The following SNX10 variants were observed in gnomAD, a reference collection of about 807,000 sequenced individuals.
SNX10 encodes the protein sorting nexin-10.
In SNX10, 25 loss-of-function variants were observed where a neutral mutation model predicts 28.5. The observed-to-expected ratio is 0.88, with a 90% CI of 0.64 to 1.22. SNX10 has a LOEUF of 1.22. Among genes scored for constraint, SNX10 ranks in the 50% most tolerant of loss-of-function variants. SNX10 has a pLI of 0.00. For synonymous variants in SNX10, 62 were observed against 81.4 expected, an observed-to-expected ratio of 0.76 and a Z score of 1.28; for missense variants, 223 against 242.6, an observed-to-expected ratio of 0.92 and a Z score of 0.54.
intron 1 of SNX10, among the ~76,000 whole-genome samples, chr7:26,344,312 C>T (rs974316616): frequency 2.6e-5 from 4 of 151,944 alleles, no homozygotes; most frequent in Admixed American, 6.6e-5. Context: ...GCTGAGACCA[C>T]GGGCGTGCCA....
rs974733621 is a variant in SNX10, at chr7:26,364,183, G to A, written c.112-352G>A. 1.8e-5 allele frequency: 6 copies of A among 331,278 alleles called. No individual in the cohort carries two copies. Among genetic ancestry groups the A allele is most frequent in the African/African-American group, 4.4e-5 (2 of 45,004 alleles). 20.5% of individuals were successfully genotyped at this position (331,278 alleles called of 1,614,324 possible). On this transcript the variant is annotated intron_variant, in intron 3 of 6. Coordinates refer to ENST00000338523, the MANE Select transcript of SNX10 (RefSeq NM_013322.3). This position sits in a 1 kb window ranked among gnomAD's most constrained non-coding sequence, Gnocchi z 4.9. Reference sequence around the variant, plus strand: ...TACGTGGATGGTGGTAAAATGCAACGGATGAACCTGAGCTCCTACCTGTCA... The same window carrying A: ...TACGTGGATGGTGGTAAAATGCAACAGATGAACCTGAGCTCCTACCTGTCA...
At chr7:26,358,807 T>TTTTG (rs1472072000) in intron 2 of SNX10, among the ~76,000 whole-genome samples, 3 of 137,958 alleles carry the variant, frequency 2.2e-5, no homozygotes, top group Admixed American at 7.2e-5. Context: ...TATCTTGTGT[T>TTTTG]TTTTTTTTTT....
intron 1 of SNX10, among the ~76,000 whole-genome samples, chr7:26,321,317 C>T (rs141550295): frequency 2.6e-5 from 4 of 152,320 alleles, no homozygotes; most frequent in East Asian, 1.9e-4. Context: ...AATCTTGCTT[C>T]ATTCCAGATG....
chr7:26,372,449 A>G (rs1246607678), intron 6 of SNX10, 42 bp from the exon 7 acceptor site: 1 of 1,297,130 alleles, frequency 7.7e-7, no homozygotes, highest in East Asian at 2.3e-5. Context: ...TGTGAAAACC[A>G]ATTTCCTCTT....
chr7:26,370,068 A>G (rs1289526934), intron 5 of SNX10, among the ~76,000 whole-genome samples: 2 of 152,222 alleles, frequency 1.3e-5, no homozygotes, highest in African/African-American at 4.8e-5. Flanking sequence ...TTTATAAAGA[A>G]AATAAAACAC....
chr7:26,366,268 G>T (rs1789284057), intron 5 of SNX10, among the ~76,000 whole-genome samples: 1 of 152,070 alleles, frequency 6.6e-6, no homozygotes, highest in South Asian at 2.1e-4. Context: ...TCTCATAAAG[G>T]GTTTGGATAT....
rs547793554 is a variant in SNX10, at chr7:26,359,090, G to A, written c.25-1885G>A. On this transcript the variant is annotated intron_variant, in intron 2 of 6. Transcript: ENST00000338523. The stretch of plus-strand genomic sequence containing the variant: ...CAAAGTGCTGGGATTACAGGTGTGA[G>A]CCCTGCCTATCTTGTTCTTATTCTA... Among the ~76,000 whole-genome samples the A allele has an allele frequency of 2.0e-5, 3 of 152,148 alleles. No individual in the cohort carries two copies. In the South Asian group the frequency reaches 6.2e-4, roughly 32 times the overall value.
intron 1 of SNX10, among the ~76,000 whole-genome samples, chr7:26,304,129 T>A (rs1001512646): frequency 6.6e-6 from 1 of 152,188 alleles, no homozygotes. Flanking sequence ...AGATTAGGGC[T>A]TGGAAACTTG....
intron 1 of SNX10, among the ~76,000 whole-genome samples, chr7:26,329,644 G>A (rs992832256): frequency 3.9e-5 from 6 of 152,272 alleles, no homozygotes; most frequent in Admixed American, 6.5e-5. Context: ...CCTTTGTAAC[G>A]TGGTGTTTGT....
rs367700467 is a variant in SNX10, at chr7:26,336,122, CAG to C, written c.-23-10295_-23-10294del. ...GAACATTGTGGGAGGAAGTGAAACA[CAG>C]AGTGAAATTAACTTGACTGCTGTTT... On this transcript the variant is annotated intron_variant, in intron 1 of 6. Transcript: ENST00000338523. Among the ~76,000 whole-genome samples, 27 of 152,188 alleles carry C rather than the reference CAG, an allele frequency of 1.8e-4. No homozygotes were observed. The East Asian group carries it at 2.7e-3, about 15-fold the overall frequency.
chr7:26,297,400 T>A (rs1342142172), intron 1 of SNX10, among the ~76,000 whole-genome samples: 1 of 152,252 alleles, frequency 6.6e-6, no homozygotes, highest in Non-Finnish European at 1.5e-5. Flanking sequence ...GGCCAGAAGA[T>A]GGTTTTTAGA....
intron 1 of SNX10, among the ~76,000 whole-genome samples, chr7:26,339,543 CTT>C (rs70943294): frequency 8.6e-6 from 1 of 116,268 alleles, no homozygotes; most frequent in Non-Finnish European, 1.8e-5. Flanking sequence ...TTTTTTTTTT[CTT>C]TTTTTTTTGA....
intron 1 of SNX10, among the ~76,000 whole-genome samples, chr7:26,294,092 G>A (rs1345247638): frequency 6.6e-6 from 1 of 152,234 alleles, no homozygotes; most frequent in Non-Finnish European, 1.5e-5. Flanking sequence ...GTTGAGAACA[G>A]GGGCCAGTCT....
At position 26,299,102 on chromosome 7, in the gene SNX10, A is replaced by T. The variant is rs562736759; in HGVS notation, c.-24+7016A>T. On this transcript the variant is annotated intron_variant, in intron 1 of 6. Coordinates refer to ENST00000338523, the MANE Select transcript of SNX10 (RefSeq NM_013322.3). ...GAAATACAATCTTATTTTTTGAAAA[A>T]ATCTGGAAGGATGATATGCCCCTAA... is the stretch of plus-strand genomic sequence containing the variant. Among the ~76,000 whole-genome samples, 12 of 152,300 alleles carry T rather than the reference A, an allele frequency of 7.9e-5. No individual in the cohort carries two copies. In the East Asian group the frequency reaches 1.9e-3, roughly 24 times the overall value.
chr7:26,314,077 G>C (rs918185786), intron 1 of SNX10, among the ~76,000 whole-genome samples: 2 of 152,188 alleles, frequency 1.3e-5, no homozygotes, highest in Admixed American at 6.5e-5. Context: ...CTTTCAAAGT[G>C]CTGGGATTAC....
intron 1 of SNX10, among the ~76,000 whole-genome samples, chr7:26,300,044 C>G (rs1786279381): frequency 6.6e-6 from 1 of 151,892 alleles, no homozygotes; most frequent in Admixed American, 6.6e-5. Context: ...AACCCTATCT[C>G]TACTAAAAAT....
In SNX10 at chr7:26,364,664, CTT is replaced by C. The variant is rs1217793569; in HGVS notation, c.212+31_212+32del. On this transcript the variant is annotated intron_variant, in intron 4 of 6. Transcript: ENST00000338523. The surrounding 1 kb of genome is among the most constrained non-coding windows in gnomAD (Gnocchi z 4.9). ...AGTGATTTAGAGTATACTGTGGAGA[CTT>C]TGTCATTATATTCAGTATTTAAAAT... 2 of 1,480,316 alleles carry C rather than the reference CTT, an allele frequency of 1.4e-6. No individual in the cohort carries two copies. The highest frequency in any genetic ancestry group is 1.2e-5 in the South Asian group (1 of 86,026). 91.7% of individuals were successfully genotyped at this position (1,480,316 alleles called of 1,614,324 possible).
At chr7:26,316,245 A>G (rs1236411428) in intron 1 of SNX10, among the ~76,000 whole-genome samples, 1 of 151,984 alleles carries the variant, frequency 6.6e-6, no homozygotes, top group Non-Finnish European at 1.5e-5. Context: ...CTTGCAGCAG[A>G]TGACAACTTT....
intron 1 of SNX10, among the ~76,000 whole-genome samples, chr7:26,304,928 C>T (rs1786524252): frequency 6.6e-6 from 1 of 152,182 alleles, no homozygotes; most frequent in African/African-American, 2.4e-5. Context: ...CCAGGTAAAT[C>T]CAAAGCCCGG....
Sources: gnomAD v4.1 joint callset for allele counts (sites outside exome capture counted in the v4.1 genomes callset) on GRCh38, gnomAD v4.1.1 for gene constraint, Gnocchi (gnomAD v3.1) non-coding constraint, MANE v1.5 for transcripts, NCBI Gene and HGNC (gene_info 2026-07-23, HGNC 2026-07-21) for gene names.